PRELID2: variants seen among roughly 807,000 people sequenced by gnomAD.
PRELID2 encodes PRELI domain-containing protein 2.
PRELID2 carries 25 observed loss-of-function variants against 28.4 expected under a neutral mutation model. The observed-to-expected ratio is 0.88, with a 90% confidence interval of 0.64 to 1.23. The LOEUF (loss-of-function observed/expected upper bound fraction) is 1.23, where lower values mean the gene tolerates loss of function less well. Ranked by LOEUF, PRELID2 falls within the 50% of genes most tolerant of loss-of-function variation. PRELID2 has a pLI of 0.00. For synonymous variants in PRELID2, 76 were observed against 71.6 expected, an observed-to-expected ratio of 1.06 and a Z score of -0.31; for missense variants, 201 against 214.4, an observed-to-expected ratio of 0.94 and a Z score of 0.39.
the PRELID2 span, among the ~76,000 whole-genome samples, chr5:145,283,456 A>G: frequency 2.0e-5 from 3 of 152,180 alleles, no homozygotes; most frequent in East Asian, 5.8e-4. Context: ...TTTATTGGAA[A>G]TCTGTGTTTA....
the PRELID2 span, among the ~76,000 whole-genome samples, chr5:145,348,745 GCATTTCTTGC>G: frequency 6.6e-6 from 1 of 151,662 alleles, no homozygotes; most frequent in Non-Finnish European, 1.5e-5. Flanking sequence ...ATTTGTTCAT[GCATTTCTTGC>G]AAATTTGACT....
At chr5:145,529,189 C>T (rs1173376759) in intron 1 of PRELID2, among the ~76,000 whole-genome samples, 3 of 152,154 alleles carry the variant, frequency 2.0e-5, no homozygotes, top group Non-Finnish European at 2.9e-5. Flanking sequence ...TCAAAATGCA[C>T]ATACAAGAAA....
At chr5:145,411,043 T>C in the PRELID2 span, among the ~76,000 whole-genome samples, 1 of 152,140 alleles carries the variant, frequency 6.6e-6, no homozygotes, top group Non-Finnish European at 1.5e-5. Flanking sequence ...ACAGTCTCCA[T>C]GCAAGTGTGA....
At chr5:145,328,141 T>C in the PRELID2 span, among the ~76,000 whole-genome samples, 3 of 152,200 alleles carry the variant, frequency 2.0e-5, no homozygotes, top group African/African-American at 7.2e-5. Flanking sequence ...AGCATAGTAT[T>C]CCATGGTATA....
chr5:145,443,656 C>G, the PRELID2 span, among the ~76,000 whole-genome samples: 11 of 152,202 alleles, frequency 7.2e-5, no homozygotes, highest in South Asian at 2.3e-3. Flanking sequence ...CACCTCTGTA[C>G]AGCATTTTCA....
chr5:145,404,503 C>T, the PRELID2 span, among the ~76,000 whole-genome samples: 1 of 152,188 alleles, frequency 6.6e-6, no homozygotes, highest in African/African-American at 2.4e-5. Flanking sequence ...GGAAATATGT[C>T]CCTGCTCTCA....
chr5:145,398,697 C>A, the PRELID2 span, among the ~76,000 whole-genome samples: 1 of 152,066 alleles, frequency 6.6e-6, no homozygotes, highest in East Asian at 1.9e-4. Flanking sequence ...TCACGTGGAG[C>A]TTGCATCCAA....
chr5:145,252,451 T>C, the PRELID2 span, among the ~76,000 whole-genome samples: 1 of 152,150 alleles, frequency 6.6e-6, no homozygotes, highest in Non-Finnish European at 1.5e-5. Flanking sequence ...TTTGATTTTC[T>C]CATTTTTCAA....
intron 1 of PRELID2, among the ~76,000 whole-genome samples, chr5:145,745,105 G>C (rs1239501885): frequency 1.3e-5 from 2 of 151,786 alleles, no homozygotes. Flanking sequence ...CAGAAGAAAG[G>C]ATATCAGAGT....
At chr5:145,247,629 A>C in the PRELID2 span, among the ~76,000 whole-genome samples, 2 of 152,268 alleles carry the variant, frequency 1.3e-5, no homozygotes, top group South Asian at 2.1e-4. Context: ...ATTGAATGCC[A>C]ATCAGGCATG....
chr5:145,540,346 C>A (rs577179375), intron 1 of PRELID2, among the ~76,000 whole-genome samples: 2 of 152,016 alleles, frequency 1.3e-5, no homozygotes, highest in East Asian at 3.9e-4. Context: ...TAGAGCCAAC[C>A]ATTTGATACA....
At chr5:145,599,893 C>A (rs1045657072) in intron 1 of PRELID2, among the ~76,000 whole-genome samples, 6 of 152,140 alleles carry the variant, frequency 3.9e-5, no homozygotes, top group South Asian at 2.1e-4. Context: ...ACCCAAGAAT[C>A]TGAGCAAATC....
chr5:145,480,051 C>T (rs2126615880), intron 1 of PRELID2, among the ~76,000 whole-genome samples: 1 of 152,310 alleles, frequency 6.6e-6, no homozygotes, highest in Non-Finnish European at 1.5e-5. Flanking sequence ...GTTAATGACT[C>T]AAGCATTAGC....
intron 1 of PRELID2, among the ~76,000 whole-genome samples, chr5:145,522,448 A>T (rs1752571217): frequency 1.3e-5 from 2 of 152,140 alleles, no homozygotes; most frequent in South Asian, 4.1e-4. Context: ...AGACAGAGAG[A>T]CAGAGAGAGA....
intron 1 of PRELID2, among the ~76,000 whole-genome samples, chr5:145,491,394 G>T (rs1277971232): frequency 2.0e-5 from 3 of 152,008 alleles, no homozygotes; most frequent in Non-Finnish European, 4.4e-5. Flanking sequence ...CTTCTGAAAG[G>T]CTCTGCCCCT....
intron 1 of PRELID2, among the ~76,000 whole-genome samples, chr5:145,667,236 C>T (rs1754613031): frequency 6.6e-6 from 1 of 151,980 alleles, no homozygotes; most frequent in South Asian, 2.1e-4. Context: ...TCTTCTGGAA[C>T]TCCCCAAAGT....
At chr5:145,371,256 T>A in the PRELID2 span, among the ~76,000 whole-genome samples, 1 of 152,170 alleles carries the variant, frequency 6.6e-6, no homozygotes, top group South Asian at 2.1e-4. Context: ...GTATTTGTCA[T>A]AAATAGCTCT....
the PRELID2 span, among the ~76,000 whole-genome samples, chr5:145,421,432 G>A: frequency 0.39 from 55,334 of 141,986 alleles, 11,280 homozygotes; most frequent in Admixed American, 0.46. Context: ...GTCTATTCAG[G>A]GATTCAACTT....
intron 1 of PRELID2, among the ~76,000 whole-genome samples, chr5:145,538,290 G>C (rs570321784): frequency 9.7e-4 from 148 of 151,946 alleles, no homozygotes; most frequent in African/African-American, 3.4e-3. Context: ...AATGCCTCCA[G>C]ATTTGTTCTT....
Sources: allele counts gnomAD v4.1 joint callset (sites outside exome capture counted in the v4.1 genomes callset), GRCh38; gene constraint gnomAD v4.1.1; transcripts MANE v1.5; gene names NCBI Gene and HGNC (gene_info 2026-07-23, HGNC 2026-07-21).